GRID2: variants seen among roughly 807,000 people sequenced by gnomAD.
GRID2 encodes glutamate receptor ionotropic, delta-2.
Under a neutral mutation model 114.8 loss-of-function variants are expected in GRID2, and 33 were observed. That is an observed-to-expected ratio of 0.29 (90% CI 0.22 to 0.38). GRID2 has a LOEUF of 0.38. Ranked by LOEUF, GRID2 falls within the 10% of genes least tolerant of loss-of-function variation. The pLI, the probability that GRID2 is intolerant of heterozygous loss-of-function variation, is 1.00. For missense variants in GRID2, 1,184 were observed against 1,257.7 expected, an observed-to-expected ratio of 0.94 and a Z score of 0.89; for synonymous variants, 505 against 449.9, an observed-to-expected ratio of 1.12 and a Z score of -1.55.
At chr4:92,772,259 A>G (rs1427930190) in intron 2 of GRID2, among the ~76,000 whole-genome samples, 1 of 152,300 alleles carries the variant, frequency 6.6e-6, no homozygotes, top group African/African-American at 2.4e-5. Context: ...GGAAAGTGAA[A>G]TGGATATTGG....
intron 8 of GRID2, among the ~76,000 whole-genome samples, chr4:93,278,953 TCTCTC>T (rs1752363495): frequency 6.6e-6 from 1 of 151,680 alleles, no homozygotes; most frequent in Non-Finnish European, 1.5e-5. Flanking sequence ...TCTCTCTCCC[TCTCTC>T]CTCTCCTCTC....
chr4:92,397,342 A>ATGTGTGTGTGTG (rs58085283), intron 1 of GRID2, among the ~76,000 whole-genome samples: 161 of 142,766 alleles, frequency 1.1e-3, no homozygotes, highest in African/African-American at 4.1e-3. Context: ...GTGTGTTTGT[A>ATGTGTGTGTGTG]TGTGTGTGTG....
At chr4:92,866,448 T>A (rs1346899141) in intron 2 of GRID2, among the ~76,000 whole-genome samples, 2 of 152,182 alleles carry the variant, frequency 1.3e-5, no homozygotes, top group Non-Finnish European at 2.9e-5. Flanking sequence ...GCCTAGGAAA[T>A]AAGTGTCCAA....
intron 2 of GRID2, among the ~76,000 whole-genome samples, chr4:92,724,650 A>G (rs1196291992): frequency 6.6e-6 from 1 of 152,130 alleles, no homozygotes; most frequent in Non-Finnish European, 1.5e-5. Context: ...TACTTCTACC[A>G]CTATTAACTG....
chr4:93,600,703 C>G (rs1163733324), intron 13 of GRID2, among the ~76,000 whole-genome samples: 1 of 152,132 alleles, frequency 6.6e-6, no homozygotes, highest in Non-Finnish European at 1.5e-5. Context: ...CTTAGCAGTT[C>G]CAATCTCAGG....
intron 14 of GRID2, among the ~76,000 whole-genome samples, chr4:93,746,562 C>T (rs1406696818): frequency 6.6e-6 from 1 of 151,990 alleles, no homozygotes; most frequent in South Asian, 2.1e-4. Context: ...AATCATTTTG[C>T]AACATGTTTT....
chr4:93,612,266 A>C (rs994616472), intron 13 of GRID2, among the ~76,000 whole-genome samples: 34 of 149,636 alleles, frequency 2.3e-4, no homozygotes, highest in Non-Finnish European at 1.0e-4. Context: ...TCTTTATCCA[A>C]CTTGCCAGTC....
At chr4:93,084,851 A>G in intron 2 of GRID2, 144 bp from the exon 3 acceptor site, 1 of 617,236 alleles carries the variant, frequency 1.6e-6, no homozygotes, top group East Asian at 2.7e-5. Flanking sequence ...TAATTTGAGG[A>G]TCTCCTCATA....
chr4:92,600,422 G>C (rs144278979), intron 2 of GRID2, among the ~76,000 whole-genome samples: 315 of 152,054 alleles, frequency 2.1e-3, no homozygotes, highest in African/African-American at 7.2e-3. Flanking sequence ...TACCTGCTCA[G>C]AAATCCTGCT....
At chr4:92,860,892 A>C (rs547255396) in intron 2 of GRID2, among the ~76,000 whole-genome samples, 182 of 152,236 alleles carry the variant, frequency 1.2e-3, no homozygotes, top group Non-Finnish European at 2.0e-3. Flanking sequence ...TGCTAAGTAC[A>C]CTAACTTTAA....
chr4:92,373,320 A>G (rs532984589), intron 1 of GRID2, among the ~76,000 whole-genome samples: 1 of 152,318 alleles, frequency 6.6e-6, no homozygotes, highest in East Asian at 1.9e-4. Context: ...ATTTTTATGT[A>G]GTGGTCTGAT....
chr4:93,163,757 G>T (rs1220658791), intron 4 of GRID2, among the ~76,000 whole-genome samples: 1 of 151,898 alleles, frequency 6.6e-6, no homozygotes, highest in African/African-American at 2.4e-5. Flanking sequence ...GGTAGGAGTG[G>T]CTACTAGTCT....
At chr4:93,263,315 C>A (rs1283665859) in intron 8 of GRID2, among the ~76,000 whole-genome samples, 1 of 151,940 alleles carries the variant, frequency 6.6e-6, no homozygotes, top group Non-Finnish European at 1.5e-5. Flanking sequence ...CTTCTACTGA[C>A]TTCTAAAGAA....
At chr4:92,713,196 T>C (rs986780397) in intron 2 of GRID2, among the ~76,000 whole-genome samples, 8 of 150,358 alleles carry the variant, frequency 5.3e-5, no homozygotes, top group South Asian at 4.2e-4. Context: ...TAGGTGGGAA[T>C]TGAACAATGA....
chr4:93,359,794 G>A (rs116133608), intron 8 of GRID2, among the ~76,000 whole-genome samples: 5,418 of 120,158 alleles, frequency 0.045, 142 homozygotes, highest in Middle Eastern at 0.067. Context: ...TTTGCTAAGC[G>A]AATACCATAG....
At chr4:93,794,427 T>C (rs965145003) in intron 1 of GRID2, among the ~76,000 whole-genome samples, 2 of 152,162 alleles carry the variant, frequency 1.3e-5, no homozygotes, top group South Asian at 2.1e-4. Flanking sequence ...AGGGACAACT[T>C]TGGGACACAA....
chr4:93,072,785 A>C (rs962461912), intron 2 of GRID2, among the ~76,000 whole-genome samples: 2 of 152,188 alleles, frequency 1.3e-5, no homozygotes, highest in African/African-American at 4.8e-5. Context: ...ATACTAGTCT[A>C]TCATTTACCA....
intron 13 of GRID2, among the ~76,000 whole-genome samples, chr4:93,520,206 T>G (rs543106666): frequency 6.6e-6 from 1 of 152,270 alleles, no homozygotes; most frequent in Non-Finnish European, 1.5e-5. Flanking sequence ...TTTCCAAGTC[T>G]CTGTTCTAGG....
chr4:93,648,610 G>A (rs1722319529), intron 14 of GRID2, among the ~76,000 whole-genome samples: 1 of 152,144 alleles, frequency 6.6e-6, no homozygotes, highest in Non-Finnish European at 1.5e-5. Flanking sequence ...TCCATTTTTA[G>A]CCAAGCATCA....
Sources: allele counts gnomAD v4.1 joint callset (sites outside exome capture counted in the v4.1 genomes callset), GRCh38; gene constraint gnomAD v4.1.1; transcripts MANE v1.5; gene names NCBI Gene and HGNC (gene_info 2026-07-23, HGNC 2026-07-21).